Variants in MTUS1 observed in about 807,000 individuals in gnomAD.
MTUS1 encodes the protein microtubule-associated tumor suppressor 1.
A neutral mutation model predicts 120.8 loss-of-function variants in MTUS1; 109 were observed. The ratio of observed to expected loss-of-function variants is 0.90; its 90% CI spans 0.77 to 1.06. The LOEUF is 1.06. Ranked by LOEUF, MTUS1 falls within the 50% of genes least tolerant of loss-of-function variation. The pLI is 0.00. For synonymous variants in MTUS1, 737 were observed against 550.5 expected (o/e 1.34, Z -4.74); for missense variants, 2,210 against 1,486.3 (o/e 1.49, Z -8.01).
chr8:17,791,683 C>T (rs1290543379), intron 1 of MTUS1, among the ~76,000 whole-genome samples: 12 of 152,178 alleles, frequency 7.9e-5, no homozygotes, highest in African/African-American at 2.9e-4. Flanking sequence ...TAAACAATCT[C>T]CAATGTTTGC....
intron 8 of MTUS1, among the ~76,000 whole-genome samples, chr8:17,660,951 C>G (rs1032069779): frequency 6.6e-6 from 1 of 152,176 alleles, no homozygotes; most frequent in Non-Finnish European, 1.5e-5. Flanking sequence ...CCATCGCACG[C>G]AACTCAAGCC....
Position 17,754,196 on chromosome 8 carries a change from T to C in MTUS1, c.1612A>G (p.Ser538Gly). ...TTCACTGATGAGGGTGATGAGGCAC[T>C]GGTCTGCTGAGGTCTGGGCGTGACC... The part of the protein sequence containing the change: ...SKVTPRPQQT[S>G]ASSPSSVNSR... The change falls in exon 2 of 15, where the codon AGT (serine) becomes GGT (glycine). Residue 538 changes from serine to glycine, a missense_variant. Physicochemically the swap from Ser to Gly is moderately conservative, Grantham distance 56. Coordinates refer to ENST00000693296, the MANE Select transcript of MTUS1 (RefSeq NM_001363059.2). 1.9e-6 allele frequency: 3 copies of C among 1,614,112 alleles called. No individual in the cohort carries two copies. The highest frequency in any genetic ancestry group is 2.5e-6 in the Non-Finnish European group (3 of 1,180,038).
intron 3 of MTUS1, among the ~76,000 whole-genome samples, chr8:17,740,202 C>T (rs111918671): frequency 0.043 from 6,418 of 149,962 alleles, 216 homozygotes; most frequent in Non-Finnish European, 0.063. Flanking sequence ...AGCGAGACTC[C>T]GTCTCAAAAA....
At chr8:17,778,895 T>C (rs901906201) in intron 1 of MTUS1, among the ~76,000 whole-genome samples, 1 of 152,218 alleles carries the variant, frequency 6.6e-6, no homozygotes, top group Non-Finnish European at 1.5e-5. Flanking sequence ...GTGTCTGTTT[T>C]ATAATATTGG....
intron 3 of MTUS1, among the ~76,000 whole-genome samples, chr8:17,738,915 G>A (rs965723775): frequency 6.6e-6 from 1 of 151,434 alleles, no homozygotes; most frequent in Non-Finnish European, 1.5e-5. Flanking sequence ...TAGGTGGGAG[G>A]ATCACTTAAG....
intron 1 of MTUS1, among the ~76,000 whole-genome samples, chr8:17,773,108 T>C (rs1333523102): frequency 4.6e-5 from 7 of 152,176 alleles, no homozygotes; most frequent in Admixed American, 3.3e-4. Context: ...TATTTCTCTT[T>C]ACTCCTGTTA....
chr8:17,755,278 G>A lies in MTUS1; in HGVS notation c.530C>T (p.Ala177Val). The A allele has an allele frequency of 6.2e-7, 1 of 1,614,160 alleles. No individual in the cohort carries two copies. The highest frequency in any genetic ancestry group is 8.5e-7 in the Non-Finnish European group (1 of 1,179,992). The change falls in exon 2 of 15, where the codon GCC (alanine) becomes GTC (valine). Residue 177 changes from alanine to valine, a missense_variant. Transcript: ENST00000693296. The part of the protein sequence containing the change: ...KVNCTFISHH[A>V]IGKSQSFHTA... ...ATGGAAGGACTGACTCTTTCCGATG[G>A]CATGATGTGATATAAAGGTGCAGTT...
chr8:17,714,339 G>C (rs1233042838), intron 5 of MTUS1, among the ~76,000 whole-genome samples: 4 of 152,158 alleles, frequency 2.6e-5, no homozygotes, highest in Non-Finnish European at 4.4e-5. Context: ...GAGAGAGAGA[G>C]AGACATGTTA....
At chr8:17,708,498 T>A (rs1390145013) in intron 6 of MTUS1, among the ~76,000 whole-genome samples, 1 of 152,132 alleles carries the variant, frequency 6.6e-6, no homozygotes, top group African/African-American at 2.4e-5. Context: ...ACACTCCTGG[T>A]GAGGATATAA....
chr8:17,648,211 T>C (rs1205528238), intron 13 of MTUS1, among the ~76,000 whole-genome samples: 1 of 152,226 alleles, frequency 6.6e-6, no homozygotes, highest in Non-Finnish European at 1.5e-5. Context: ...CTTCTAAGTC[T>C]CTTAATTTCA....
At chr8:17,776,886 C>G (rs2050484634) in intron 1 of MTUS1, among the ~76,000 whole-genome samples, 2 of 152,038 alleles carry the variant, frequency 1.3e-5, no homozygotes, top group South Asian at 4.1e-4. Flanking sequence ...TCCCTGGGCT[C>G]TCTCCTCTTT....
At chr8:17,661,988 C>T (rs1809825724) in intron 8 of MTUS1, among the ~76,000 whole-genome samples, 1 of 152,016 alleles carries the variant, frequency 6.6e-6, no homozygotes, top group South Asian at 2.1e-4. Context: ...TTAAAGGATG[C>T]ACATGTAAAC....
chr8:17,786,854 G>A (rs1015635670), intron 1 of MTUS1, among the ~76,000 whole-genome samples: 14 of 152,118 alleles, frequency 9.2e-5, no homozygotes, highest in African/African-American at 2.9e-4. Context: ...AGAGACTTTC[G>A]CTCAGGCCAC....
intron 3 of MTUS1, among the ~76,000 whole-genome samples, chr8:17,731,364 A>G (rs2046566129): frequency 6.6e-6 from 1 of 152,138 alleles, no homozygotes; most frequent in African/African-American, 2.4e-5. Context: ...TGGGGGTGAT[A>G]GGAGTACTCC....
chr8:17,698,298 G>A (rs1177355413), intron 6 of MTUS1, among the ~76,000 whole-genome samples: 1 of 152,112 alleles, frequency 6.6e-6, no homozygotes, highest in African/African-American at 2.4e-5. Flanking sequence ...GTGTGAGGAG[G>A]GCACAGTTAT....
chr8:17,731,292 T>C (rs1313316331), intron 3 of MTUS1, among the ~76,000 whole-genome samples: 1 of 152,176 alleles, frequency 6.6e-6, no homozygotes, highest in African/African-American at 2.4e-5. Flanking sequence ...CGGCGCCACC[T>C]CACACTGCCT....
At chr8:17,763,038 C>T (rs796502805) in intron 1 of MTUS1, among the ~76,000 whole-genome samples, 9 of 151,448 alleles carry the variant, frequency 5.9e-5, no homozygotes, top group African/African-American at 1.9e-4. Flanking sequence ...ATCCCCCAGG[C>T]TGGAGTGTAA....
At chr8:17,763,297 T>C (rs567526420) in intron 1 of MTUS1, among the ~76,000 whole-genome samples, 24 of 152,286 alleles carry the variant, frequency 1.6e-4, no homozygotes, top group African/African-American at 5.3e-4. Flanking sequence ...GCCGGTACCA[T>C]TTCTTAAAGT....
intron 4 of MTUS1, chr8:17,721,690 A>G: frequency 6.4e-7 from 1 of 1,550,666 alleles, no homozygotes; most frequent in Non-Finnish European, 8.7e-7. Flanking sequence ...CAAAGAAAAG[A>G]AACCAGAAAT....
Sources: gnomAD v4.1 joint callset for allele counts (sites outside exome capture counted in the v4.1 genomes callset) on GRCh38, gnomAD v4.1.1 for gene constraint, MANE v1.5 for transcripts, NCBI Gene and HGNC (gene_info 2026-07-23, HGNC 2026-07-21) for gene names.